The following UTY variants were observed in gnomAD, a reference collection of about 807,000 sequenced individuals.
UTY encodes ubiquitously transcribed tetratricopeptide repeat containing, Y-linked.
A neutral mutation model predicts 32.5 loss-of-function variants in UTY; 12 were observed. The observed-to-expected ratio is 0.37, with a 90% CI of 0.24 to 0.60. The LOEUF (loss-of-function observed/expected upper bound fraction) is 0.60, where lower values mean the gene tolerates loss of function less well. Among genes scored for constraint, UTY ranks in the 20% least tolerant of loss-of-function variants. UTY has a pLI of 0.69. For missense variants in UTY, 303 were observed against 299.2 expected, an observed-to-expected ratio of 1.01 and a Z score of -0.09; for synonymous variants, 131 against 103.4, an observed-to-expected ratio of 1.27 and a Z score of -1.62.
chrY:13,290,952 C>T, intron 27 of UTY, among the ~76,000 whole-genome samples: 6 of 30,599 alleles, frequency 2.0e-4, no homozygotes, highest in African/African-American at 7.9e-4. Context: ...GCGACCTTGG[C>T]TCACTGCAAC....
chrY:13,253,314 G>A, intron 28 of UTY, among the ~76,000 whole-genome samples: 4 of 33,254 alleles, frequency 1.2e-4, no homozygotes, highest in African/African-American at 3.5e-4. Context: ...AAGCTAAAGC[G>A]GCCAAGGAAG....
chrY:13,286,342 G>C, intron 27 of UTY, among the ~76,000 whole-genome samples: 1 of 33,425 alleles, frequency 3.0e-5, no homozygotes, highest in Non-Finnish European at 7.4e-5. Context: ...AAGTGTACCA[G>C]GACTCTAAAA....
At chrY:13,298,817 T>C in intron 26 of UTY, 140 bp downstream of exon 26, 1 of 113,369 alleles carries the variant, frequency 8.8e-6, no homozygotes, top group South Asian at 1.1e-4. Context: ...CTGAATTTAA[T>C]TTCTGTATTA....
At chrY:13,250,521 A>G (rs2054073236) in intron 29 of UTY, among the ~76,000 whole-genome samples, 1 of 33,905 alleles carries the variant, frequency 2.9e-5, no homozygotes, top group Non-Finnish European at 7.3e-5. Flanking sequence ...TGCCACAGCT[A>G]GATGACACTG....
chrY:13,389,084 CCT>C (rs2067233761), intron 8 of UTY, among the ~76,000 whole-genome samples: 1 of 32,219 alleles, frequency 3.1e-5, no homozygotes, highest in Non-Finnish European at 7.6e-5. Flanking sequence ...TTTGAAATTC[CCT>C]GATTAGTTCT....
intron 21 of UTY, chrY:13,323,199 C>T: frequency 1.4e-5 from 1 of 72,877 alleles, no homozygotes; most frequent in South Asian, 1.2e-4. Context: ...GAGTTCAAGA[C>T]AAGCCTGGCC....
In UTY at chrY:13,441,381, T is replaced by A. The variant is rs546037630; in HGVS notation, c.375+7636A>T. On this transcript the variant is annotated intron_variant, in intron 4 of 29. Transcript: ENST00000545955. Reference sequence around the variant, plus strand: ...AGGAGTTACCTCATGGTAACTGACATGGAGGATAGATGGCATTGGGAGGCA... The same window carrying A: ...AGGAGTTACCTCATGGTAACTGACAAGGAGGATAGATGGCATTGGGAGGCA... Among the ~76,000 whole-genome samples, 197 of 32,667 alleles carry A rather than the reference T, an allele frequency of 6.0e-3. No individual in the cohort carries two copies. The South Asian group carries it at 0.13, about 22-fold the overall frequency. 87.6% of individuals were successfully genotyped at this position (32,667 alleles called of 37,273 possible).
intron 8 of UTY, among the ~76,000 whole-genome samples, chrY:13,386,752 CG>C: frequency 3.1e-5 from 1 of 32,372 alleles, no homozygotes; most frequent in Non-Finnish European, 7.6e-5. Flanking sequence ...GGTGGGCGGG[CG>C]GATCTATTTG....
chrY:13,369,241 A>G lies in UTY; in HGVS notation c.739+15T>C. ...CTTCAAATTAATGTAATGTATAATA[A>G]AAGTTTTCATGTACCTAACTGTTGC... is the stretch of plus-strand genomic sequence containing the variant. On this transcript the variant is annotated intron_variant, in intron 9 of 29. Coordinates refer to ENST00000545955, the MANE Select transcript of UTY (RefSeq NM_001258249.2). 1 of 341,682 alleles carries G rather than the reference A, an allele frequency of 2.9e-6. No individual in the cohort carries two copies. Among genetic ancestry groups the G allele is most frequent in the South Asian group, 4.2e-5 (1 of 24,007 alleles). The allele number at this position is 341,682 out of a possible 400,897, so 85.2% of individuals were successfully genotyped here.
intron 18 of UTY, among the ~76,000 whole-genome samples, chrY:13,329,179 T>C: frequency 1.2e-4 from 4 of 33,438 alleles, no homozygotes; most frequent in Non-Finnish European, 3.0e-4. Flanking sequence ...CATCTTAAGA[T>C]CTCACAGTAT....
intron 7 of UTY, among the ~76,000 whole-genome samples, chrY:13,396,061 C>T (rs2068182392): frequency 3.2e-5 from 1 of 31,151 alleles, no homozygotes. Flanking sequence ...CAAGTGTGCA[C>T]CACTGCACCT....
chrY:13,351,173 T>C, intron 17 of UTY, among the ~76,000 whole-genome samples: 1 of 32,167 alleles, frequency 3.1e-5, no homozygotes, highest in Non-Finnish European at 7.5e-5. Context: ...CACTTGCTCA[T>C]GTCACATTGT....
At chrY:13,272,913 C>T in intron 27 of UTY, among the ~76,000 whole-genome samples, 1 of 33,252 alleles carries the variant, frequency 3.0e-5, no homozygotes, top group Admixed American at 2.7e-4. Flanking sequence ...AGAAAAATTA[C>T]TTTTTAACTA....
intron 27 of UTY, among the ~76,000 whole-genome samples, chrY:13,294,875 T>C (rs1603330611): frequency 3.1e-5 from 1 of 32,184 alleles, no homozygotes; most frequent in Non-Finnish European, 7.6e-5. Flanking sequence ...CTGGCCAACA[T>C]AGTGAAACCA....
In UTY at chrY:13,477,897, TAATC is replaced by T. The variant is rs767192788; in HGVS notation, c.216+1353_216+1356del. On this transcript the variant is annotated intron_variant, in intron 2 of 29. Coordinates refer to ENST00000545955, the MANE Select transcript of UTY (RefSeq NM_001258249.2). ...TTTCATAAAGCTATTTTCACTTGCATAATCAAAGTTTAACTCATGTTTCATTTAT... is the reference window on the plus strand; with the variant it reads ...TTTCATAAAGCTATTTTCACTTGCATAAAGTTTAACTCATGTTTCATTTAT... Among the ~76,000 whole-genome samples the T allele has an allele frequency of 6.5e-4, 22 of 34,104 alleles. No individual in the cohort carries two copies. The South Asian group carries it at 0.014, about 21-fold the overall frequency. 91.5% of individuals were successfully genotyped at this position (34,104 alleles called of 37,273 possible). A position where few individuals can be genotyped will look rare whatever the true frequency, so the allele number is the denominator to read the frequency against.
intron 27 of UTY, among the ~76,000 whole-genome samples, chrY:13,283,868 T>G: frequency 3.0e-5 from 1 of 33,716 alleles, no homozygotes; most frequent in Non-Finnish European, 7.3e-5. Flanking sequence ...TACAAGGTTT[T>G]CAGTAAAAGT....
chrY:13,471,347 A>C, intron 2 of UTY, among the ~76,000 whole-genome samples: 1 of 33,766 alleles, frequency 3.0e-5, no homozygotes, highest in African/African-American at 1.2e-4. Context: ...TTAGTGTCAG[A>C]AAGCAGATCA....
At chrY:13,234,168 G>A (rs375683793), downstream of UTY, among the ~76,000 whole-genome samples, 24 of 34,485 alleles carry the variant, frequency 7.0e-4, no homozygotes, top group East Asian at 8.6e-3. Context: ...GATGTGGAGC[G>A]GCAAGGGGTG....
Position 13,295,895 on chromosome Y carries a change from G to A in UTY, c.4010+1812C>T, listed in dbSNP as rs745350785. Among the ~76,000 whole-genome samples the A allele has an allele frequency of 1.4e-3, 49 of 34,142 alleles. No homozygotes were observed. In the South Asian group the frequency reaches 0.026, roughly 18 times the overall value. 91.6% of individuals were successfully genotyped at this position (34,142 alleles called of 37,273 possible). Reference sequence around the variant, plus strand: ...TGCTCCACTCACGTGGCTTTGCTGCGCACAGGCCATATGACTGCTCTCATG... The same window carrying A: ...TGCTCCACTCACGTGGCTTTGCTGCACACAGGCCATATGACTGCTCTCATG... On this transcript the variant is annotated intron_variant, in intron 27 of 29. Coordinates refer to ENST00000545955, the MANE Select transcript of UTY (RefSeq NM_001258249.2).
Sources: gnomAD v4.1 joint callset for allele counts (sites outside exome capture counted in the v4.1 genomes callset) on GRCh38, gnomAD v4.1.1 for gene constraint, MANE v1.5 for transcripts, NCBI Gene and HGNC (gene_info 2026-07-23, HGNC 2026-07-21) for gene names.